KIF21A: variants seen among roughly 807,000 people sequenced by gnomAD.
KIF21A encodes the protein kinesin family member 21A, also known as kinesin-like protein KIF21A.
In KIF21A, 114 loss-of-function variants were observed where a neutral mutation model predicts 202.9. The observed-to-expected ratio is 0.56, with a 90% CI of 0.48 to 0.66. The LOEUF (loss-of-function observed/expected upper bound fraction) is 0.66, where lower values mean the gene tolerates loss of function less well. Ranked by LOEUF, KIF21A falls within the 30% of genes least tolerant of loss-of-function variation. The pLI is 0.00. For synonymous variants in KIF21A, 667 were observed against 670.8 expected (o/e 0.99, Z 0.09); for missense variants, 1,677 against 1,994.9 (o/e 0.84, Z 3.04).
chr12:39,398,040 T>C (rs747414765), intron 1 of KIF21A, among the ~76,000 whole-genome samples: 21 of 152,224 alleles, frequency 1.4e-4, no homozygotes, highest in Non-Finnish European at 2.6e-4. Context: ...ACAAGTAAAA[T>C]TGACATCCAA....
intron 31 of KIF21A, among the ~76,000 whole-genome samples, chr12:39,313,293 T>C (rs539123386): frequency 6.6e-6 from 1 of 151,846 alleles, no homozygotes; most frequent in African/African-American, 2.4e-5. Flanking sequence ...CAACTTCTCG[T>C]TGAGTCTCAA....
rs1453700596 is a variant in KIF21A, at chr12:39,337,164, C to A, written c.2350G>T (p.Ala784Ser). ...MKQMKEEQEK[A>S]RLTESRRNRE... is the part of the protein sequence containing the mutation. ...TTTCTTCTAGACTCAGTCAGTCTGG[C>A]TTTCTCTTGTTCTTCTTTCATTTGT... The change falls in exon 17 of 38, where the codon GCC becomes TCC. Residue 784 changes from alanine to serine, a missense_variant. Ala to Ser is a moderately conservative substitution (Grantham distance 99). Transcript: ENST00000361418. 1.9e-6 allele frequency: 3 copies of A among 1,612,670 alleles called. No homozygotes were observed. Among genetic ancestry groups the A allele is most frequent in the Non-Finnish European group, 2.5e-6 (3 of 1,179,490 alleles).
intron 31 of KIF21A, chr12:39,312,698 T>C (rs1163578447): frequency 1.3e-5 from 2 of 151,958 alleles, no homozygotes; most frequent in African/African-American, 4.8e-5. Context: ...ATGAAGCTCT[T>C]TAGGGAGCTT....
intron 1 of KIF21A, among the ~76,000 whole-genome samples, chr12:39,439,580 T>C (rs1939283167): frequency 6.6e-6 from 1 of 152,210 alleles, no homozygotes; most frequent in African/African-American, 2.4e-5. Flanking sequence ...AAGTTTATGA[T>C]AACTGGATGA....
At chr12:39,432,382 G>C (rs552792551) in intron 1 of KIF21A, among the ~76,000 whole-genome samples, 1 of 152,082 alleles carries the variant, frequency 6.6e-6, no homozygotes, top group East Asian at 1.9e-4. Flanking sequence ...AACACTCTTT[G>C]GTAAAGTCAG....
intron 37 of KIF21A, among the ~76,000 whole-genome samples, chr12:39,297,372 T>C (rs868785453): frequency 1.2e-4 from 18 of 152,066 alleles, no homozygotes; most frequent in Middle Eastern, 3.4e-3. Context: ...ATTAAGAAAA[T>C]GTCGCACATA....
chr12:39,352,451 A>G (rs1323956192), intron 10 of KIF21A, among the ~76,000 whole-genome samples: 1 of 152,186 alleles, frequency 6.6e-6, no homozygotes, highest in Non-Finnish European at 1.5e-5. Flanking sequence ...TGATTGAATA[A>G]TTATATATTT....
Position 39,404,690 on chromosome 12 carries a change from A to C in KIF21A, c.45-34429T>G, listed in dbSNP as rs1344690581. Among the ~76,000 whole-genome samples the C allele has an allele frequency of 2.0e-5, 3 of 152,220 alleles. No individual in the cohort carries two copies. The East Asian group carries it at 5.8e-4, about 29-fold the overall frequency. The stretch of plus-strand genomic sequence containing the variant: ...TCATTATATAGGTAGCAATGTAAAA[A>C]CACATAATCATAATCAATGCAAATA... On this transcript the variant is annotated intron_variant, in intron 1 of 37. Coordinates refer to ENST00000361418, the MANE Select transcript of KIF21A (RefSeq NM_001173464.2).
At chr12:39,389,764 G>A (rs1378961821) in intron 1 of KIF21A, among the ~76,000 whole-genome samples, 1 of 151,936 alleles carries the variant, frequency 6.6e-6, no homozygotes, top group Non-Finnish European at 1.5e-5. Context: ...TTTTTCTGAG[G>A]TATCTATTGT....
rs1555172725 is a variant in KIF21A at position 39,355,707 on chromosome 12, T to TTATACATATATATA, written c.1469+1124_1469+1125insTATATATATGTATA. Among the ~76,000 whole-genome samples the TTATACATATATATA allele has an allele frequency of 1.0e-3, 106 of 101,232 alleles. 4 individuals carry two copies. Among genetic ancestry groups the TTATACATATATATA allele is most frequent in the African/African-American group, 4.8e-3 (100 of 20,632 alleles). 66.4% of individuals were successfully genotyped at this position (101,232 alleles called of 152,430 possible). A position where few individuals can be genotyped will look rare whatever the true frequency, so the allele number is the denominator to read the frequency against. ...TACCAAAAACATGAAGCATGAACAA[T>TTATACATATATATA]TATATATATATATATATATATATAT... On this transcript the variant is annotated intron_variant, in intron 10 of 37. Coordinates refer to ENST00000361418, the MANE Select transcript of KIF21A (RefSeq NM_001173464.2).
chr12:39,437,618 A>G (rs1485750184), intron 1 of KIF21A, among the ~76,000 whole-genome samples: 5 of 152,222 alleles, frequency 3.3e-5, no homozygotes, highest in African/African-American at 1.2e-4. Context: ...CAAAAACTCA[A>G]ATCTAACAAT....
intron 1 of KIF21A, among the ~76,000 whole-genome samples, chr12:39,374,001 G>C (rs909608992): frequency 1.0e-3 from 159 of 152,284 alleles, no homozygotes; most frequent in African/African-American, 3.6e-3. Context: ...GGAGGGGATG[G>C]TGTCCCACAC....
chr12:39,340,874 G>A (rs759421612), intron 15 of KIF21A, 32 bp downstream of exon 15: 4 of 1,484,274 alleles, frequency 2.7e-6, no homozygotes, highest in Non-Finnish European at 3.8e-6. Flanking sequence ...GATTTAGCTT[G>A]AACTTTCATT....
chr12:39,315,982 G>C lies in KIF21A; in HGVS notation c.3909-12C>G. Reference sequence around the variant, plus strand: ...CACTTTCATCAGACCTATAGTGAAAGAGTTAGAATTATGAGAGAAAGAATA... The same window carrying C: ...CACTTTCATCAGACCTATAGTGAAACAGTTAGAATTATGAGAGAAAGAATA... On this transcript the variant is annotated splice_polypyrimidine_tract_variant and intron_variant, in intron 29 of 37. Coordinates refer to ENST00000361418, the MANE Select transcript of KIF21A (RefSeq NM_001173464.2). 1 of 1,588,810 alleles carries C rather than the reference G, an allele frequency of 6.3e-7. No individual in the cohort carries two copies. The highest frequency in any genetic ancestry group is 2.2e-5 in the East Asian group (1 of 44,600).
At chr12:39,370,303 C>G (rs777330211) in intron 1 of KIF21A, 42 bp from the exon 2 acceptor site, 1 of 1,421,478 alleles carries the variant, frequency 7.0e-7, no homozygotes, top group Middle Eastern at 1.8e-4. Flanking sequence ...AAATAAATGG[C>G]AAAAAAAAAC....
chr12:39,294,489 G>T lies in KIF21A; in HGVS notation c.4960C>A (p.Arg1654Ser), dbSNP rs376346007. The T allele has an allele frequency of 2.5e-6, 4 of 1,613,628 alleles. No individual in the cohort carries two copies. The highest frequency in any genetic ancestry group is 3.4e-6 in the Non-Finnish European group (4 of 1,179,772). The change falls in exon 38 of 38, where the codon CGC becomes AGC. Residue 1654 changes from arginine to serine, a missense_variant. Physicochemically the swap from Arg to Ser is moderately radical, Grantham distance 110. This residue lies in a region of KIF21A where 705 missense variants were observed against 791.9 expected (regional missense o/e 0.89). Transcript: ENST00000361418. ...DDRTVRIWKA[R>S]NLQDGQISDT... The stretch of plus-strand genomic sequence containing the variant: ...GAGATCTGACCATCTTGCAAATTGC[G>T]AGCCTTCCAAATTCTCACAGTTCGA...
At position 39,366,338 on chromosome 12, in the gene KIF21A, C is replaced by A. The variant is rs988826741; in HGVS notation, c.903+12G>T. On this transcript the variant is annotated intron_variant, in intron 6 of 37. Transcript: ENST00000361418. The stretch of plus-strand genomic sequence containing the variant: ...GCTCTGATATATTCTCAGCACAAAG[C>A]CTTAATCTTACAAGTCCACAGTTGA... The A allele has an allele frequency of 6.2e-7, 1 of 1,611,306 alleles. No individual in the cohort carries two copies. The highest frequency in any genetic ancestry group is 1.3e-5 in the African/African-American group (1 of 74,958).
At chr12:39,352,244 T>C (rs1197385207) in intron 10 of KIF21A, among the ~76,000 whole-genome samples, 3 of 152,136 alleles carry the variant, frequency 2.0e-5, no homozygotes, top group African/African-American at 7.2e-5. Flanking sequence ...TCTGTCTCTA[T>C]GAATCTGACT....
chr12:39,350,209 G>T (rs1193375004), intron 11 of KIF21A, among the ~76,000 whole-genome samples: 2 of 151,498 alleles, frequency 1.3e-5, no homozygotes, highest in South Asian at 2.1e-4. Flanking sequence ...TATTTTTATT[G>T]TAATAATTAT....
Sources: gnomAD v4.1 joint callset for allele counts (sites outside exome capture counted in the v4.1 genomes callset) on GRCh38, gnomAD v4.1.1 for gene constraint, gnomAD v4.1.1 regional missense constraint, MANE v1.5 for transcripts, NCBI Gene and HGNC (gene_info 2026-07-23, HGNC 2026-07-21) for gene names.